SCAF11: variants seen among roughly 807,000 people sequenced by gnomAD.
SCAF11 encodes the protein SR-related CTD associated factor 11.
Under a neutral mutation model 140.5 loss-of-function variants are expected in SCAF11, and 47 were observed. That is an observed-to-expected ratio of 0.33 (90% CI 0.26 to 0.43). The LOEUF (loss-of-function observed/expected upper bound fraction) is 0.43, where lower values mean the gene tolerates loss of function less well. Ranked by LOEUF, SCAF11 falls within the 20% of genes least tolerant of loss-of-function variation. The probability of loss-of-function intolerance (pLI) is 1.00; values close to 1 mark genes in which losing one functional copy is unlikely to be tolerated. For missense variants in SCAF11, 1,645 were observed against 1,705.1 expected (o/e 0.96, Z 0.62); for synonymous variants, 557 against 579.4 (o/e 0.96, Z 0.55).
At position 45,926,857 on chromosome 12, in the gene SCAF11, T is replaced by G. The variant is rs1435118612; in HGVS notation, c.2844A>C (p.Lys948Asn). The change falls in exon 11 of 15, where the codon AAA (lysine) becomes AAC (asparagine). Residue 948 changes from lysine to asparagine, a missense_variant. Physicochemically the swap from Lys to Asn is moderately conservative, Grantham distance 94 (BLOSUM62 0). Coordinates refer to ENST00000369367, the MANE Select transcript of SCAF11 (RefSeq NM_004719.3). ...HSRSPSRCRT[K>N]SKSSSFGRID... is the part of the protein sequence containing the mutation. Reference sequence around the variant, plus strand: ...TTCTACCAAATGATGAACTCTTACTTTTTGTTCTACATCTTGAGGGGGACC... The same window carrying G: ...TTCTACCAAATGATGAACTCTTACTGTTTGTTCTACATCTTGAGGGGGACC... 6 of 1,614,024 alleles carry G rather than the reference T, an allele frequency of 3.7e-6. No individual in the cohort carries two copies. Among genetic ancestry groups the G allele is most frequent in the Non-Finnish European group, 5.1e-6 (6 of 1,180,044 alleles).
At chr12:45,925,303 A>G (rs1363505506) in intron 11 of SCAF11, among the ~76,000 whole-genome samples, 3 of 152,242 alleles carry the variant, frequency 2.0e-5, no homozygotes, top group East Asian at 3.8e-4. Flanking sequence ...CTGTAATCCC[A>G]GCACTTTGGG....
intron 6 of SCAF11, among the ~76,000 whole-genome samples, chr12:45,940,465 T>C (rs1945270125): frequency 1.3e-5 from 2 of 152,242 alleles, no homozygotes; most frequent in African/African-American, 4.8e-5. Flanking sequence ...TTGGTATTAT[T>C]TTGTAGTAGA....
At chr12:45,972,945 T>TATATAGATATATAGATATATATATAG in intron 1 of SCAF11, among the ~76,000 whole-genome samples, 1 of 99,180 alleles carries the variant, frequency 1.0e-5, no homozygotes, top group African/African-American at 4.9e-5. Context: ...TATAGATATA[T>TATATAGATATATAGATATATATATAG]ATATAGATAT....
At position 45,990,526 on chromosome 12, in the gene SCAF11, G is replaced by A. The variant is rs145107918; in HGVS notation, c.-195C>T. On this transcript the variant is annotated 5_prime_UTR_variant, in exon 1 of 15. Coordinates refer to ENST00000369367, the MANE Select transcript of SCAF11 (RefSeq NM_004719.3). The stretch of plus-strand genomic sequence containing the variant: ...CGGTCCGGAGGCGGCGGCGAAGCAG[G>A]GAGCGACCCAGGTTGCGCTGCTCCG... 180 of 1,231,992 alleles carry A rather than the reference G, an allele frequency of 1.5e-4. No homozygotes were observed. The African/African-American group carries it at 2.6e-3, about 18-fold the overall frequency. 76.3% of individuals were successfully genotyped at this position (1,231,992 alleles called of 1,614,324 possible).
chr12:45,939,075 C>T (rs1022856508), intron 6 of SCAF11, among the ~76,000 whole-genome samples: 1 of 150,378 alleles, frequency 6.6e-6, no homozygotes. Flanking sequence ...CACTATACCT[C>T]TAGTGTGGCA....
chr12:45,968,482 G>A (rs1466982876), intron 1 of SCAF11, among the ~76,000 whole-genome samples: 1 of 151,864 alleles, frequency 6.6e-6, no homozygotes, highest in Non-Finnish European at 1.5e-5. Flanking sequence ...AATGGTCTAA[G>A]TTTTAAATTT....
chr12:45,972,881 G>GATATATATATCGATAT (rs1946114758), intron 1 of SCAF11, among the ~76,000 whole-genome samples: 2 of 18,944 alleles, frequency 1.1e-4, no homozygotes, highest in East Asian at 4.3e-3. Flanking sequence ...TATATATATA[G>GATATATATATCGATAT]ATATATATAT....
intron 1 of SCAF11, among the ~76,000 whole-genome samples, chr12:45,967,567 C>T (rs1482631444): frequency 2.0e-5 from 3 of 151,950 alleles, no homozygotes; most frequent in East Asian, 3.9e-4. Context: ...TTGCTTGAAC[C>T]CAGGAGGCGG....
Position 45,921,528 on chromosome 12 carries a change from C to T in SCAF11, c.*520G>A, listed in dbSNP as rs1944713107. 6.6e-6 allele frequency: 1 copy of T among 152,066 alleles called. No individual in the cohort carries two copies. The highest frequency in any genetic ancestry group is 1.5e-5 in the Non-Finnish European group (1 of 68,022). 9.4% of individuals were successfully genotyped at this position (152,066 alleles called of 1,614,324 possible). A position where few individuals can be genotyped will look rare whatever the true frequency, so the allele number is the denominator to read the frequency against. On this transcript the variant is annotated 3_prime_UTR_variant, in exon 15 of 15. Coordinates refer to ENST00000369367, the MANE Select transcript of SCAF11 (RefSeq NM_004719.3). Reference sequence around the variant, plus strand: ...TCTAGGCAATTTATTCAGATATGTGCTTTAAAAATACACATTAGGAACTTT... The same window carrying T: ...TCTAGGCAATTTATTCAGATATGTGTTTTAAAAATACACATTAGGAACTTT...
At chr12:45,955,054 G>A (rs1443629288) in intron 3 of SCAF11, 2 of 151,840 alleles carry the variant, frequency 1.3e-5, no homozygotes, top group Non-Finnish European at 2.9e-5. Context: ...AGTAGTAATA[G>A]GAAAACTACT....
intron 1 of SCAF11, among the ~76,000 whole-genome samples, chr12:45,980,954 C>T (rs570642821): frequency 9.4e-4 from 143 of 152,190 alleles, no homozygotes; most frequent in African/African-American, 3.3e-3. Flanking sequence ...TAGGACATAA[C>T]CTAATATATC....
At chr12:45,967,125 T>C (rs1482466505) in intron 1 of SCAF11, among the ~76,000 whole-genome samples, 1 of 152,120 alleles carries the variant, frequency 6.6e-6, no homozygotes, top group African/African-American at 2.4e-5. Flanking sequence ...CATTGGTATA[T>C]GCCTATAATC....
At chr12:45,958,012 C>A (rs776293167) in intron 3 of SCAF11, among the ~76,000 whole-genome samples, 3 of 152,174 alleles carry the variant, frequency 2.0e-5, no homozygotes, top group Non-Finnish European at 4.4e-5. Context: ...CCAACCTCCC[C>A]CCATCAGCTT....
In SCAF11 at chr12:45,931,488, T is replaced by A; in HGVS notation, c.841+18A>T. The A allele has an allele frequency of 8.1e-7, 1 of 1,234,454 alleles. No homozygotes were observed. Among genetic ancestry groups the A allele is most frequent in the Non-Finnish European group, 1.1e-6 (1 of 918,918 alleles). 76.5% of individuals were successfully genotyped at this position (1,234,454 alleles called of 1,614,324 possible). On this transcript the variant is annotated intron_variant, in intron 10 of 14. Transcript: ENST00000369367. ...TAATAATAATTTTTAAAATAGAAAA[T>A]GATTTCACAAACTTTACCAAAATGT... is the stretch of plus-strand genomic sequence containing the variant.
chr12:45,951,985 C>G (rs1945562089), intron 3 of SCAF11, among the ~76,000 whole-genome samples: 1 of 152,062 alleles, frequency 6.6e-6, no homozygotes, highest in Admixed American at 6.6e-5. Context: ...TTGAGAACTA[C>G]TAGTATAGTG....
chr12:45,953,910 T>G, intron 3 of SCAF11: 2 of 957,292 alleles, frequency 2.1e-6, no homozygotes, highest in Non-Finnish European at 2.7e-6. Flanking sequence ...TGTAATCAAC[T>G]AGTTTTAGTA....
intron 1 of SCAF11, among the ~76,000 whole-genome samples, chr12:45,989,195 T>C (rs764912938): frequency 1.3e-5 from 2 of 152,230 alleles, no homozygotes; most frequent in Non-Finnish European, 2.9e-5. Flanking sequence ...TGCCCTGATA[T>C]TCTGCTGCTG....
Position 45,990,346 on chromosome 12 carries a change from T to C in SCAF11, c.-22+7A>G, listed in dbSNP as rs1337215537. 1 of 1,231,748 alleles carries C rather than the reference T, an allele frequency of 8.1e-7. No homozygotes were observed. Among genetic ancestry groups the C allele is most frequent in the Non-Finnish European group, 1.0e-6 (1 of 988,200 alleles). The allele number at this position is 1,231,748 out of a possible 1,614,324, so 76.3% of individuals were successfully genotyped here. On this transcript the variant is annotated splice_region_variant and intron_variant, in intron 1 of 14. Coordinates refer to ENST00000369367, the MANE Select transcript of SCAF11 (RefSeq NM_004719.3). ...CCCATCCACCCCGCGGGTCGACCAG[T>C]GTTTACCTCAGACCGAGGTCGAGGC... is the stretch of plus-strand genomic sequence containing the variant.
intron 1 of SCAF11, among the ~76,000 whole-genome samples, chr12:45,981,522 G>A (rs1490949058): frequency 2.0e-5 from 3 of 152,212 alleles, no homozygotes; most frequent in Non-Finnish European, 4.4e-5. Context: ...CCCATTTTCT[G>A]AGGAATAAAT....
Sources: allele counts gnomAD v4.1 joint callset (sites outside exome capture counted in the v4.1 genomes callset), GRCh38; gene constraint gnomAD v4.1.1; transcripts MANE v1.5; gene names NCBI Gene and HGNC (gene_info 2026-07-23, HGNC 2026-07-21).